The following ZNF235 variants were observed in gnomAD, a reference collection of about 807,000 sequenced individuals.
ZNF235 encodes zfp-93.
A neutral mutation model predicts 29.4 loss-of-function variants in ZNF235; 25 were observed. That is an observed-to-expected ratio of 0.85 (90% CI 0.62 to 1.19). The LOEUF (loss-of-function observed/expected upper bound fraction) is 1.19. Ranked by LOEUF, ZNF235 falls within the 50% of genes most tolerant of loss-of-function variation. ZNF235 has a pLI of 0.00. For synonymous variants in ZNF235, 300 were observed against 295.3 expected (o/e 1.02, Z -0.16); for missense variants, 788 against 885.0 (o/e 0.89, Z 1.39).
intron 3 of ZNF235, 49 bp downstream of exon 3, chr19:44,299,557 C>T (rs570303627): frequency 1.2e-6 from 2 of 1,606,670 alleles, no homozygotes; most frequent in East Asian, 2.2e-5. Context: ...ACATCAATGG[C>T]ATGGAGGTTG....
chr19:44,298,753 T>G (rs564783334), intron 4 of ZNF235, 55 bp downstream of exon 4: 6 of 1,337,864 alleles, frequency 4.5e-6, no homozygotes, highest in Admixed American at 3.9e-5. Context: ...GAAATTATCC[T>G]GAATAAAGGA....
chr19:44,295,331 C>G (rs1975640474), intron 4 of ZNF235, among the ~76,000 whole-genome samples: 1 of 151,892 alleles, frequency 6.6e-6, no homozygotes, highest in Admixed American at 6.6e-5. Flanking sequence ...AGAACACAAT[C>G]CAATTTATAG....
At chr19:44,302,148 C>A (rs1462717781) in intron 2 of ZNF235, among the ~76,000 whole-genome samples, 1 of 152,072 alleles carries the variant, frequency 6.6e-6, no homozygotes, top group East Asian at 1.9e-4. Context: ...TTTATTCTCT[C>A]CATAAAATGA....
chr19:44,288,757 A>AT lies in ZNF235; in HGVS notation c.677dup (p.Asp226GlufsTer2). The AT allele has an allele frequency of 6.2e-7, 1 of 1,614,032 alleles. No homozygotes were observed. The highest frequency in any genetic ancestry group is 8.5e-7 in the Non-Finnish European group (1 of 1,179,970). On this transcript the variant is annotated frameshift_variant, in exon 5 of 5. Coordinates refer to ENST00000291182, the MANE Select transcript of ZNF235 (RefSeq NM_004234.4). LOFTEE classifies it low-confidence loss of function (END_TRUNC). ...CTTTATCTCTTTTGTGCACTATATTATCATCATGGTGGTGTGAAATACAAC... is the reference window on the plus strand; with the variant it reads ...CTTTATCTCTTTTGTGCACTATATTATTCATCATGGTGGTGTGAAATACAAC...
intron 2 of ZNF235, among the ~76,000 whole-genome samples, chr19:44,300,945 C>A (rs1439392249): frequency 6.6e-6 from 1 of 150,784 alleles, no homozygotes; most frequent in Non-Finnish European, 1.5e-5. Flanking sequence ...TCTCAATTAA[C>A]TCTTCCCGTA....
In ZNF235 at chr19:44,288,740, C is replaced by T. The variant is rs767205754; in HGVS notation, c.695G>A (p.Arg232Lys). The T allele has an allele frequency of 1.2e-6, 2 of 1,614,070 alleles. No homozygotes were observed. Among genetic ancestry groups the T allele is most frequent in the South Asian group, 2.2e-5 (2 of 91,082 alleles). ...ATCACTATTGCTATGAACTTTATCT[C>T]TTTTGTGCACTATATTATCATCATG... ...HHHDDNIVHK[R>K]DKVHSNSDCG... Residue 232 changes from arginine to lysine, a missense_variant, in exon 5 of 5, where the codon AGA becomes AAA. By Grantham distance (26) the Arg-to-Lys change is conservative. Transcript: ENST00000291182.
Position 44,288,133 on chromosome 19 carries a change from C to T in ZNF235, c.1302G>A (p.Gly434=). The T allele has an allele frequency of 6.2e-7, 1 of 1,612,964 alleles. No individual in the cohort carries two copies. The highest frequency in any genetic ancestry group is 8.5e-7 in the Non-Finnish European group (1 of 1,179,680). The change falls in exon 5 of 5, where the codon GGG becomes GGA. Residue 434 remains glycine, a synonymous_variant. Transcript: ENST00000291182. ...IHTGEKPYKC[G]DCGKRFSCSS... ...TACAACTAAAGCGTTTACCACAATC[C>T]CCACATTTATATGGTTTCTCTCCAG...
At chr19:44,291,684 C>T (rs899329947) in intron 4 of ZNF235, among the ~76,000 whole-genome samples, 4 of 151,974 alleles carry the variant, frequency 2.6e-5, no homozygotes, top group Non-Finnish European at 5.9e-5. Context: ...TTGAAAGACA[C>T]AAAATAAGTT....
At position 44,288,327 on chromosome 19, in the gene ZNF235, T is replaced by C; in HGVS notation, c.1108A>G (p.Thr370Ala). Reference protein sequence around the residue: ...SHLYAHLPIHTGEKPYRCDSC... With the variant: ...SHLYAHLPIHAGEKPYRCDSC... ...TCACATCTATAGGGCTTCTCTCCTG[T>C]GTGAATAGGCAAATGAGCATAAAGA... The change falls in exon 5 of 5, where the codon ACA becomes GCA. Residue 370 changes from threonine (T) to alanine (A), a missense_variant. Transcript: ENST00000291182. 6.2e-7 allele frequency: 1 copy of C among 1,614,118 alleles called. No homozygotes were observed. The highest frequency in any genetic ancestry group is 8.5e-7 in the Non-Finnish European group (1 of 1,180,014).
chr19:44,288,856 A>C lies in ZNF235; in HGVS notation c.579T>G (p.Asn193Lys), dbSNP rs1975542445. The C allele has an allele frequency of 1.2e-6, 2 of 1,613,684 alleles. No homozygotes were observed. The highest frequency in any genetic ancestry group is 1.7e-6 in the Non-Finnish European group (2 of 1,179,834). The change falls in exon 5 of 5, where the codon AAT becomes AAG. Residue 193 changes from asparagine (N) to lysine (K), a missense_variant. Coordinates refer to ENST00000291182, the MANE Select transcript of ZNF235 (RefSeq NM_004234.4). ...GAGTCTGCTTACAACTTCTCTGATA[A>C]TTCTGTGTCTCATTCAGATATATTT... ...WSKIYLNETQ[N>K]YQRSCKQTQM...
intron 2 of ZNF235, among the ~76,000 whole-genome samples, chr19:44,301,122 T>C (rs1975731082): frequency 6.6e-6 from 1 of 152,196 alleles, no homozygotes; most frequent in African/African-American, 2.4e-5. Context: ...CCTACTGGGA[T>C]TTTTCATGTA....
intron 1 of ZNF235, 195 bp downstream of exon 1, chr19:44,304,776 C>T (rs895774703): frequency 3.0e-6 from 3 of 985,366 alleles, no homozygotes; most frequent in Non-Finnish European, 3.6e-6. Flanking sequence ...AGACCCTCAA[C>T]CTCGAAGGAC....
At chr19:44,294,116 G>A (rs1975622021) in intron 4 of ZNF235, among the ~76,000 whole-genome samples, 1 of 151,926 alleles carries the variant, frequency 6.6e-6, no homozygotes, top group South Asian at 2.1e-4. Flanking sequence ...TCAATGAAAC[G>A]AAAAGCTCGT....
At chr19:44,294,821 G>C (rs1975632632) in intron 4 of ZNF235, among the ~76,000 whole-genome samples, 2 of 151,490 alleles carry the variant, frequency 1.3e-5, no homozygotes, top group South Asian at 4.2e-4. Context: ...CCTATAAACA[G>C]AATTAAAAAC....
At chr19:44,301,352 G>A (rs533871740) in intron 2 of ZNF235, among the ~76,000 whole-genome samples, 2 of 152,262 alleles carry the variant, frequency 1.3e-5, no homozygotes, top group East Asian at 3.9e-4. Flanking sequence ...GTGGCAAAGA[G>A]CCATGCACTG....
chr19:44,304,758 A>G (rs1018893319), intron 1 of ZNF235: 2 of 985,370 alleles, frequency 2.0e-6, no homozygotes, highest in African/African-American at 1.7e-5. Context: ...GAGGACGGCT[A>G]GGGCAGCAGA....
chr19:44,302,955 TAA>T (rs1337377912), intron 2 of ZNF235, among the ~76,000 whole-genome samples: 1 of 105,122 alleles, frequency 9.5e-6, no homozygotes, highest in Non-Finnish European at 1.7e-5. Context: ...TTTGTATATA[TAA>T]ATATATACGT....
intron 2 of ZNF235, among the ~76,000 whole-genome samples, chr19:44,302,970 ATATGTATATATT>A (rs1213519122): frequency 1.7e-4 from 23 of 131,742 alleles, no homozygotes; most frequent in African/African-American, 6.4e-4. Flanking sequence ...ATATACGTAT[ATATGTATATATT>A]TATATATAAA....
Position 44,287,422 on chromosome 19 carries a change from A to G in ZNF235, c.2013T>C (p.Ser671=). 2.5e-6 allele frequency: 4 copies of G among 1,612,724 alleles called. No individual in the cohort carries two copies. Among genetic ancestry groups the G allele is most frequent in the Middle Eastern group, 1.7e-4 (1 of 6,048 alleles). Residue 671 remains serine (S), a synonymous_variant, in exon 5 of 5, where the codon AGT becomes AGC. Transcript: ENST00000291182. ...GKEFSWSAGL[S]AHQRVHTGEK... is the part of the protein sequence containing the mutation. ...CTCCTGTGTGGACCCTCTGATGGGC[A>G]CTGAGACCAGCACTCCAACTGAATT...
Sources: gnomAD v4.1 joint callset for allele counts (sites outside exome capture counted in the v4.1 genomes callset) on GRCh38, gnomAD v4.1.1 for gene constraint, MANE v1.5 for transcripts, NCBI Gene and HGNC (gene_info 2026-07-23, HGNC 2026-07-21) for gene names.